The following TMEM131L variants were observed in gnomAD, a reference collection of about 807,000 sequenced individuals.
The protein encoded by TMEM131L is transmembrane 131 like.
In TMEM131L, 54 loss-of-function variants were observed where a neutral mutation model predicts 192.2. The observed-to-expected ratio is 0.28, with a 90% CI of 0.23 to 0.35. TMEM131L has a LOEUF of 0.35. Among genes scored for constraint, TMEM131L ranks in the 10% least tolerant of loss-of-function variants. TMEM131L has a pLI of 1.00. For synonymous variants in TMEM131L, 701 were observed against 704.9 expected (o/e 0.99, Z 0.09); for missense variants, 1,888 against 1,972.9 (o/e 0.96, Z 0.82).
chr4:153,480,642 T>C (rs1430266909), intron 3 of TMEM131L, among the ~76,000 whole-genome samples: 1 of 151,942 alleles, frequency 6.6e-6, no homozygotes, highest in Non-Finnish European at 1.5e-5. Context: ...CACCCTGTCA[T>C]CTACCTAGGT....
intron 3 of TMEM131L, among the ~76,000 whole-genome samples, chr4:153,543,582 G>A (rs1736955733): frequency 6.6e-6 from 1 of 152,172 alleles, no homozygotes; most frequent in Admixed American, 6.5e-5. Context: ...GCATGCATCG[G>A]TATAGACACC....
chr4:153,508,801 C>T (rs530299589), intron 3 of TMEM131L, among the ~76,000 whole-genome samples: 23 of 151,606 alleles, frequency 1.5e-4, no homozygotes, highest in African/African-American at 5.3e-4. Flanking sequence ...CATATCACCA[C>T]GCCCTGCTAA....
At chr4:153,598,837 T>G (rs1731630350) in intron 21 of TMEM131L, 105 bp downstream of exon 21, 1 of 933,506 alleles carries the variant, frequency 1.1e-6, no homozygotes, top group South Asian at 3.5e-5. Context: ...TTTAAATTTT[T>G]AAATTCTAAA....
chr4:153,594,984 A>G (rs1212327062), intron 19 of TMEM131L, among the ~76,000 whole-genome samples: 1 of 152,208 alleles, frequency 6.6e-6, no homozygotes, highest in Admixed American at 6.5e-5. Flanking sequence ...TTTTAAATCT[A>G]AATATTCTAT....
At chr4:153,618,715 A>G (rs1462597873) in intron 26 of TMEM131L, among the ~76,000 whole-genome samples, 1 of 151,998 alleles carries the variant, frequency 6.6e-6, no homozygotes, top group Non-Finnish European at 1.5e-5. Flanking sequence ...ATATACTCCT[A>G]ATTGCAGCTC....
At chr4:153,519,239 C>G (rs1187337675) in intron 3 of TMEM131L, among the ~76,000 whole-genome samples, 1 of 152,104 alleles carries the variant, frequency 6.6e-6, no homozygotes, top group African/African-American at 2.4e-5. Context: ...TCTGGAATTT[C>G]AGCAGTTGTT....
chr4:153,608,998 T>G (rs765199644), intron 25 of TMEM131L, among the ~76,000 whole-genome samples: 2 of 152,150 alleles, frequency 1.3e-5, no homozygotes, highest in Non-Finnish European at 2.9e-5. Flanking sequence ...CCCCCTTTAT[T>G]ATTATTAGTG....
chr4:153,551,942 C>T (rs1462204057), intron 4 of TMEM131L, among the ~76,000 whole-genome samples: 1 of 152,020 alleles, frequency 6.6e-6, no homozygotes, highest in Non-Finnish European at 1.5e-5. Flanking sequence ...AGCGCGGTGG[C>T]TCACACCTGT....
At chr4:153,485,128 A>T (rs1732236346) in intron 3 of TMEM131L, among the ~76,000 whole-genome samples, 1 of 151,470 alleles carries the variant, frequency 6.6e-6, no homozygotes, top group African/African-American at 2.4e-5. Flanking sequence ...CATTAAAAAA[A>T]AAAAAAAAAA....
intron 6 of TMEM131L, among the ~76,000 whole-genome samples, chr4:153,558,030 C>G (rs1728600731): frequency 6.6e-6 from 1 of 152,230 alleles, no homozygotes; most frequent in African/African-American, 2.4e-5. Context: ...CTGGGCCTCC[C>G]AAAGTGTTGG....
intron 3 of TMEM131L, among the ~76,000 whole-genome samples, chr4:153,505,752 A>G (rs1436949327): frequency 1.3e-5 from 2 of 152,190 alleles, no homozygotes; most frequent in Admixed American, 6.5e-5. Flanking sequence ...TTGAGCAGCG[A>G]AATCATACAA....
chr4:153,479,985 C>T (rs990526955), intron 3 of TMEM131L, among the ~76,000 whole-genome samples: 10 of 152,300 alleles, frequency 6.6e-5, no homozygotes, highest in Middle Eastern at 3.4e-3. Context: ...CCAAGGCGGG[C>T]GGATCACCTG....
Position 153,587,797 on chromosome 4 carries a change from G to C in TMEM131L, c.1538G>C (p.Gly513Ala). 1 of 1,612,992 alleles carries C rather than the reference G, an allele frequency of 6.2e-7. No homozygotes were observed. Among genetic ancestry groups the C allele is most frequent in the East Asian group, 2.2e-5 (1 of 44,856 alleles). Reference sequence around the variant, plus strand: ...CATTGTGGCATGCATTATTTCATGGGAAAATCAAAAGCAGGTAAGTATTTT... The same window carrying C: ...CATTGTGGCATGCATTATTTCATGGCAAAATCAAAAGCAGGTAAGTATTTT... The part of the protein sequence containing the change: ...IAHCGMHYFM[G>A]KSKAGNPNWN... The change falls in exon 15 of 35, where the codon GGA (glycine) becomes GCA (alanine). Residue 513 changes from glycine to alanine, a missense_variant. By Grantham distance (60) the Gly-to-Ala change is moderately conservative (BLOSUM62 0). Coordinates refer to ENST00000409959, the MANE Select transcript of TMEM131L (RefSeq NM_001131007.2).
chr4:153,493,215 A>G (rs1236804948), intron 3 of TMEM131L, among the ~76,000 whole-genome samples: 1 of 150,086 alleles, frequency 6.7e-6, no homozygotes, highest in Non-Finnish European at 1.5e-5. Flanking sequence ...GCGTGGTGGC[A>G]GGCGCCTGTA....
At chr4:153,619,901 T>A (rs7675233) in intron 26 of TMEM131L, among the ~76,000 whole-genome samples, 105,481 of 152,112 alleles carry the variant, frequency 0.69, 38,081 homozygotes, top group African/African-American at 0.91. Context: ...TGGAGAAGAT[T>A]TATCTTCCTC....
intron 26 of TMEM131L, among the ~76,000 whole-genome samples, chr4:153,618,569 A>G (rs972418333): frequency 6.6e-5 from 10 of 151,852 alleles, no homozygotes; most frequent in African/African-American, 2.4e-4. Context: ...GGCTTATGAG[A>G]TGCTAGGTAA....
At position 153,604,006 on chromosome 4, in the gene TMEM131L, C is replaced by T. The variant is rs1212848143; in HGVS notation, c.2994C>T (p.Thr998=). The T allele has an allele frequency of 1.2e-6, 2 of 1,614,002 alleles. No individual in the cohort carries two copies. The highest frequency in any genetic ancestry group is 1.7e-5 in the Admixed American group (1 of 59,990). The stretch of plus-strand genomic sequence containing the variant: ...CCAGCACAGCTGCGGCCAGCAGCAC[C>T]AGCACGACTACTGAGGAAAAACAGA... ...HKTSTAAASS[T]STTTEEKQTS... is the part of the protein sequence containing the mutation. Residue 998 remains threonine (T), a synonymous_variant, in exon 25 of 35, where the codon ACC becomes ACT. Coordinates refer to ENST00000409959, the MANE Select transcript of TMEM131L (RefSeq NM_001131007.2).
intron 25 of TMEM131L, 94 bp downstream of exon 25, chr4:153,604,524 G>A (rs1393204527): frequency 6.4e-6 from 8 of 1,251,496 alleles, no homozygotes; most frequent in Non-Finnish European, 8.9e-6. Flanking sequence ...AGTTTTAATT[G>A]TGGATGCTGA....
At chr4:153,486,745 G>A (rs572110892) in intron 3 of TMEM131L, among the ~76,000 whole-genome samples, 41 of 152,296 alleles carry the variant, frequency 2.7e-4, no homozygotes, top group African/African-American at 9.4e-4. Context: ...CTTACAGGTG[G>A]GTCTGCACTC....
Sources: allele counts gnomAD v4.1 joint callset (sites outside exome capture counted in the v4.1 genomes callset), GRCh38; gene constraint gnomAD v4.1.1; transcripts MANE v1.5; gene names NCBI Gene and HGNC (gene_info 2026-07-23, HGNC 2026-07-21).